The following SUV39H2 variants were observed in gnomAD, a reference collection of about 807,000 sequenced individuals.
SUV39H2 encodes the protein SUV39H2 histone lysine methyltransferase.
Under a neutral mutation model 47.5 loss-of-function variants are expected in SUV39H2, and 10 were observed. That is an observed-to-expected ratio of 0.21 (90% CI 0.13 to 0.36). SUV39H2 has a LOEUF of 0.36. Ranked by LOEUF, SUV39H2 falls within the 10% of genes least tolerant of loss-of-function variation. SUV39H2 has a pLI of 1.00. For missense variants in SUV39H2, 266 were observed against 487.4 expected (o/e 0.55, Z 4.28); for synonymous variants, 159 against 166.8 (o/e 0.95, Z 0.36).
At chr10:14,897,766 T>TG (rs1833689124) in intron 3 of SUV39H2, 1 of 267,998 alleles carries the variant, frequency 3.7e-6, no homozygotes, top group African/African-American at 2.2e-5. Flanking sequence ...ACATTCCTAC[T>TG]AGTCAAACCT....
At chr10:14,899,255 G>A (rs1479465806) in intron 3 of SUV39H2, 12 of 702,034 alleles carry the variant, frequency 1.7e-5, no homozygotes. Flanking sequence ...AGGAGTTAAA[G>A]GATACAGGGA....
intron 1 of SUV39H2, 193 bp downstream of exon 1, chr10:14,879,112 G>T (rs887824965): frequency 7.9e-7 from 1 of 1,268,734 alleles, no homozygotes; most frequent in African/African-American, 1.6e-5. Flanking sequence ...CTGCCCGGCC[G>T]GCTCCCGCCG....
intron 2 of SUV39H2, among the ~76,000 whole-genome samples, chr10:14,885,725 A>G (rs1363989321): frequency 6.6e-6 from 1 of 152,194 alleles, no homozygotes; most frequent in East Asian, 1.9e-4. Flanking sequence ...CTAAGCCAGC[A>G]TTACTTTAGC....
chr10:14,890,594 C>T (rs754292820), intron 2 of SUV39H2, among the ~76,000 whole-genome samples: 14 of 152,218 alleles, frequency 9.2e-5, no homozygotes, highest in Non-Finnish European at 2.1e-4. Flanking sequence ...ATTGTCCAGG[C>T]TGGTCTCCAA....
chr10:14,884,073 A>G (rs182391206), intron 2 of SUV39H2, among the ~76,000 whole-genome samples: 39 of 152,318 alleles, frequency 2.6e-4, no homozygotes, highest in Admixed American at 2.5e-3. Flanking sequence ...TAACTTATTC[A>G]TCACTTCGTG....
chr10:14,879,206 C>A, intron 1 of SUV39H2: 1 of 1,026,508 alleles, frequency 9.7e-7, no homozygotes, highest in Non-Finnish European at 1.2e-6. Context: ...CCCTCCGCGT[C>A]TCCCGTGGCG....
At chr10:14,881,736 CTCT>C (rs1833044219) in intron 2 of SUV39H2, 91 bp downstream of exon 2, 12 of 1,161,864 alleles carry the variant, frequency 1.0e-5, no homozygotes, top group Admixed American at 6.1e-5. Context: ...AAAAGAAAAG[CTCT>C]TCTTAATGTT....
chr10:14,879,739 C>T (rs1450111204), intron 1 of SUV39H2: 2 of 152,120 alleles, frequency 1.3e-5, no homozygotes, highest in African/African-American at 4.8e-5. Flanking sequence ...GGATTATGAC[C>T]TCATTATCCC....
intron 4 of SUV39H2, among the ~76,000 whole-genome samples, chr10:14,900,574 A>G (rs1833935923): frequency 6.6e-6 from 1 of 152,210 alleles, no homozygotes; most frequent in African/African-American, 2.4e-5. Flanking sequence ...CAGGGCCATC[A>G]AACAGTTTTG....
intron 2 of SUV39H2, among the ~76,000 whole-genome samples, chr10:14,882,113 AT>A (rs1259160229): frequency 1.3e-5 from 2 of 152,176 alleles, no homozygotes; most frequent in African/African-American, 4.8e-5. Flanking sequence ...TTGCAAAGTC[AT>A]TTCCAGCTTT....
At chr10:14,893,215 G>A (rs1341879823) in intron 2 of SUV39H2, among the ~76,000 whole-genome samples, 5 of 151,502 alleles carry the variant, frequency 3.3e-5, no homozygotes, top group Non-Finnish European at 7.4e-5. Flanking sequence ...GTGTTAGCCA[G>A]GATGGTCTCG....
chr10:14,897,619 A>G, intron 3 of SUV39H2, 102 bp downstream of exon 3: 1 of 1,021,324 alleles, frequency 9.8e-7, no homozygotes, highest in Non-Finnish European at 1.3e-6. Flanking sequence ...ACATTTTGAT[A>G]TTTTCATTTG....
At chr10:14,898,226 T>C (rs1833738428) in intron 3 of SUV39H2, 1 of 142,942 alleles carries the variant, frequency 7.0e-6, no homozygotes, top group East Asian at 2.0e-4. Context: ...TTTTTTTTTT[T>C]TTTTGAGAAG....
intron 3 of SUV39H2, chr10:14,898,202 C>CTTTTTTTTTTTTTTTTTTTTT (rs919860514): frequency 3.6e-5 from 2 of 56,150 alleles, no homozygotes; most frequent in African/African-American, 7.1e-5. Flanking sequence ...AGTACTGTTT[C>CTTTTTTTTTTTTTTTTTTTTT]TTTTTTTTTT....
intron 3 of SUV39H2, 68 bp downstream of exon 3, chr10:14,897,585 T>G (rs2131703841): frequency 7.6e-7 from 1 of 1,311,496 alleles, no homozygotes; most frequent in Non-Finnish European, 1.0e-6. Context: ...AATTACCTTT[T>G]TATCTCTTTA....
intron 1 of SUV39H2, chr10:14,879,999 A>G (rs1005845130): frequency 6.6e-6 from 1 of 150,718 alleles, no homozygotes; most frequent in African/African-American, 2.4e-5. Flanking sequence ...AAAAATGTTT[A>G]GGAAAAGCAC....
chr10:14,883,912 T>G (rs936135047), intron 2 of SUV39H2, among the ~76,000 whole-genome samples: 1 of 152,136 alleles, frequency 6.6e-6, no homozygotes, highest in Admixed American at 6.5e-5. Flanking sequence ...GTTGGACATT[T>G]CATATAAAAG....
intron 4 of SUV39H2, among the ~76,000 whole-genome samples, 168 bp from the exon 5 acceptor site, chr10:14,900,964 GA>G (rs1329883402): frequency 6.6e-6 from 1 of 152,062 alleles, no homozygotes; most frequent in African/African-American, 2.4e-5. Context: ...TTTTATAAGG[GA>G]AAAAAATCTT....
At chr10:14,895,211 CTT>C (rs1220118632) in intron 2 of SUV39H2, among the ~76,000 whole-genome samples, 1 of 146,676 alleles carries the variant, frequency 6.8e-6, no homozygotes, top group Non-Finnish European at 1.5e-5. Context: ...GAGTCTCACT[CTT>C]TTGCCCAGGC....
Sources: gnomAD v4.1 joint callset for allele counts (sites outside exome capture counted in the v4.1 genomes callset) on GRCh38, gnomAD v4.1.1 for gene constraint, MANE v1.5 for transcripts, NCBI Gene and HGNC (gene_info 2026-07-23, HGNC 2026-07-21) for gene names.